Variants in DSCAML1 observed in about 807,000 individuals in gnomAD.
The protein encoded by DSCAML1 is DS cell adhesion molecule like 1.
DSCAML1 carries 38 observed loss-of-function variants against 200.5 expected under a neutral mutation model. That is an observed-to-expected ratio of 0.19 (90% CI 0.15 to 0.25). The LOEUF is 0.25. Among genes scored for constraint, DSCAML1 ranks in the 10% least tolerant of loss-of-function variants. DSCAML1 has a pLI of 1.00. For synonymous variants in DSCAML1, 1,215 were observed against 1,165.0 expected (o/e 1.04, Z -0.87); for missense variants, 2,223 against 2,858.8 (o/e 0.78, Z 5.07).
intron 3 of DSCAML1, among the ~76,000 whole-genome samples, chr11:117,625,068 GT>G: frequency 6.6e-6 from 1 of 152,256 alleles, no homozygotes; most frequent in South Asian, 2.1e-4. Context: ...ATTCCAACGT[GT>G]GGTCAGGTCT....
intron 3 of DSCAML1, among the ~76,000 whole-genome samples, chr11:117,652,526 A>G (rs143067702): frequency 6.6e-6 from 1 of 152,306 alleles, no homozygotes; most frequent in African/African-American, 2.4e-5. Context: ...ACCACCATTT[A>G]AAAGGTGACA....
In DSCAML1 at chr11:117,463,057, G is replaced by C. The variant is rs1017246214; in HGVS notation, c.3266-1461C>G. ...GCTTAGCGTTAGGTGGGGCAGGCTG[G>C]CCTCGGCTCAGCACGACTGTTCCCT... On this transcript the variant is annotated intron_variant, in intron 17 of 32. Coordinates refer to ENST00000651296, the MANE Select transcript of DSCAML1 (RefSeq NM_020693.4). The surrounding 1 kb of genome is among the most constrained non-coding windows in gnomAD (Gnocchi z 4.0). Among the ~76,000 whole-genome samples, 2 of 152,198 alleles carry C rather than the reference G, an allele frequency of 1.3e-5. No homozygotes were observed. Among genetic ancestry groups the C allele is most frequent in the African/African-American group, 4.8e-5 (2 of 41,444 alleles).
chr11:117,532,298 G>A, intron 4 of DSCAML1, 78 bp downstream of exon 4: 1 of 1,462,808 alleles, frequency 6.8e-7, no homozygotes, highest in Non-Finnish European at 9.3e-7. Context: ...ATCTGCGGTG[G>A]GGCGTGCCAA....
intron 1 of DSCAML1, among the ~76,000 whole-genome samples, chr11:117,791,888 T>C (rs936202901): frequency 1.3e-5 from 2 of 152,224 alleles, no homozygotes; most frequent in Admixed American, 6.5e-5. Context: ...ACTAACTATG[T>C]TCTGGCTACT....
chr11:117,731,400 T>G (rs1311971579), intron 3 of DSCAML1, among the ~76,000 whole-genome samples: 2 of 152,202 alleles, frequency 1.3e-5, no homozygotes, highest in African/African-American at 4.8e-5. Flanking sequence ...CCCACCTCTC[T>G]GGCCTTGTAT....
chr11:117,806,151 G>C (rs944840261), intron 1 of DSCAML1, among the ~76,000 whole-genome samples: 1 of 152,220 alleles, frequency 6.6e-6, no homozygotes. Context: ...ATGTGGCTGG[G>C]TTGGATGATC....
At chr11:117,669,455 A>G (rs890968083) in intron 3 of DSCAML1, among the ~76,000 whole-genome samples, 3 of 152,216 alleles carry the variant, frequency 2.0e-5, no homozygotes, top group Non-Finnish European at 2.9e-5. Context: ...CAAGCCTCCC[A>G]TGCTGGATCC....
At chr11:117,690,906 C>T (rs1457033386) in intron 3 of DSCAML1, among the ~76,000 whole-genome samples, 1 of 152,172 alleles carries the variant, frequency 6.6e-6, no homozygotes, top group Non-Finnish European at 1.5e-5. Context: ...ACTGGGCTCC[C>T]ATGAGACTGT....
At chr11:117,569,232 C>A (rs906418170) in intron 3 of DSCAML1, among the ~76,000 whole-genome samples, 4 of 152,204 alleles carry the variant, frequency 2.6e-5, no homozygotes, top group South Asian at 2.1e-4. Flanking sequence ...AGATGGATTA[C>A]AGACTTAAAC....
chr11:117,512,979 C>T (rs10892133), intron 8 of DSCAML1, among the ~76,000 whole-genome samples: 28,215 of 152,080 alleles, frequency 0.19, 2,782 homozygotes, highest in South Asian at 0.32. Context: ...GCTTTCAGGA[C>T]GTTCCGAGTC....
chr11:117,674,173 A>G (rs1322383095), intron 3 of DSCAML1, among the ~76,000 whole-genome samples: 1 of 152,206 alleles, frequency 6.6e-6, no homozygotes, highest in Non-Finnish European at 1.5e-5. Context: ...TATTTTCATA[A>G]GAATGCTGGT....
At chr11:117,756,472 C>T (rs1314219587) in intron 3 of DSCAML1, among the ~76,000 whole-genome samples, 2 of 152,120 alleles carry the variant, frequency 1.3e-5, no homozygotes, top group Non-Finnish European at 2.9e-5. Flanking sequence ...CCAGCGACCA[C>T]GATGAGAATA....
Position 117,524,932 on chromosome 11 carries a change from G to T in DSCAML1, c.810C>A (p.Ser270Arg). The change falls in exon 5 of 33, where the codon AGC becomes AGA. Residue 270 changes from serine (S) to arginine (R), a missense_variant. Transcript: ENST00000651296. ...LKDGRPLPADSRWTKRITGLT... is the reference protein window; with the variant it reads ...LKDGRPLPADRRWTKRITGLT... The stretch of plus-strand genomic sequence containing the variant: ...GCCCTGTGATGCGCTTGGTCCAGCG[G>T]CTGTCAGCCGGGAGGGGCCGGCCAT... 1 of 1,613,674 alleles carries T rather than the reference G, an allele frequency of 6.2e-7. No individual in the cohort carries two copies. The highest frequency in any genetic ancestry group is 8.5e-7 in the Non-Finnish European group (1 of 1,179,882).
chr11:117,461,742 C>A (rs2048487498), intron 17 of DSCAML1, 146 bp from the exon 18 acceptor site: 1 of 706,518 alleles, frequency 1.4e-6, no homozygotes, highest in Non-Finnish European at 2.3e-6. Context: ...CTTGAGCATC[C>A]TGATTGTTGG....
At chr11:117,554,596 C>T (rs184426718) in intron 3 of DSCAML1, among the ~76,000 whole-genome samples, 74 of 152,182 alleles carry the variant, frequency 4.9e-4, no homozygotes, top group Admixed American at 4.7e-3. Flanking sequence ...AGGCTGGTCT[C>T]GAACTCCTGA....
At chr11:117,434,706 C>T (rs2047875306) in intron 27 of DSCAML1, among the ~76,000 whole-genome samples, 1 of 152,154 alleles carries the variant, frequency 6.6e-6, no homozygotes, top group African/African-American at 2.4e-5. Flanking sequence ...TACATCCTTC[C>T]ATTCAACCAT....
intron 3 of DSCAML1, among the ~76,000 whole-genome samples, chr11:117,761,491 G>A (rs763963456): frequency 6.6e-6 from 1 of 152,250 alleles, no homozygotes; most frequent in South Asian, 2.1e-4. Flanking sequence ...ACATGGCTTG[G>A]ATTGAGTCCC....
In DSCAML1 at chr11:117,755,495, GC is replaced by G. The variant is rs763161817; in HGVS notation, c.511+21295del. On this transcript the variant is annotated intron_variant, in intron 3 of 32. Transcript: ENST00000651296. ...GAGACCCAGCCAAGAATCCATCCCT[GC>G]CCCCCGTCTCCTCGGATTGTCATCC... Among the ~76,000 whole-genome samples, 437 of 152,186 alleles carry G rather than the reference GC, an allele frequency of 2.9e-3. 9 individuals carry two copies. The highest frequency in any genetic ancestry group is 2.0e-3 in the Non-Finnish European group (133 of 67,986).
At chr11:117,512,291 C>T (rs2049638165) in intron 8 of DSCAML1, among the ~76,000 whole-genome samples, 1 of 152,200 alleles carries the variant, frequency 6.6e-6, no homozygotes, top group Non-Finnish European at 1.5e-5. Flanking sequence ...CACCCTTCTC[C>T]CCCTCCAAGT....
Sources: gnomAD v4.1 joint callset for allele counts (sites outside exome capture counted in the v4.1 genomes callset) on GRCh38, gnomAD v4.1.1 for gene constraint, Gnocchi (gnomAD v3.1) non-coding constraint, MANE v1.5 for transcripts, NCBI Gene and HGNC (gene_info 2026-07-23, HGNC 2026-07-21) for gene names.